Variants in TENM1 observed in about 807,000 individuals in gnomAD.
TENM1 encodes the protein teneurin-1.
A neutral mutation model predicts 174.8 loss-of-function variants in TENM1; 35 were observed. That is an observed-to-expected ratio of 0.20 (90% CI 0.15 to 0.27). TENM1 has a LOEUF of 0.27. Among genes scored for constraint, TENM1 ranks in the 10% least tolerant of loss-of-function variants. TENM1 has a pLI of 1.00. For missense variants in TENM1, 1,633 were observed against 2,130.1 expected (o/e 0.77, Z 4.59); for synonymous variants, 781 against 798.7 (o/e 0.98, Z 0.37).
the TENM1 span, among the ~76,000 whole-genome samples, chrX:124,976,323 A>T: frequency 9.0e-6 from 1 of 111,557 alleles, no homozygotes; most frequent in Admixed American, 9.6e-5. Context: ...TTTCACCAAG[A>T]TCACACAGCT....
At chrX:124,723,832 CT>C (rs1239769786) in intron 4 of TENM1, among the ~76,000 whole-genome samples, 2 of 110,481 alleles carry the variant, frequency 1.8e-5, no homozygotes, top group African/African-American at 6.6e-5. Context: ...ATCTCTTGAC[CT>C]TGTGATCCGC....
At chrX:124,704,580 A>G (rs1002307910) in intron 5 of TENM1, among the ~76,000 whole-genome samples, 3 of 111,972 alleles carry the variant, frequency 2.7e-5, no homozygotes, top group African/African-American at 9.7e-5. Context: ...TCTTGGGAAG[A>G]AATTATGTAC....
At chrX:124,957,578 CA>C (rs1225936775) in intron 1 of TENM1, among the ~76,000 whole-genome samples, 1,679 of 30,987 alleles carry the variant, frequency 0.054, 32 homozygotes, top group African/African-American at 0.16. Flanking sequence ...AACTCCAACT[CA>C]AAAAAAAAAA....
chrX:125,023,336 C>T, the TENM1 span, among the ~76,000 whole-genome samples: 1 of 111,371 alleles, frequency 9.0e-6, no homozygotes, highest in Non-Finnish European at 1.9e-5. Flanking sequence ...CCACCTTCCA[C>T]GATGATTATA....
At chrX:124,510,754 C>T (rs1480505013) in intron 18 of TENM1, among the ~76,000 whole-genome samples, 1 of 50,497 alleles carries the variant, frequency 2.0e-5, no homozygotes, top group Non-Finnish European at 3.9e-5. Flanking sequence ...TTAATTGTGA[C>T]CCAGCATCCA....
At chrX:124,481,222 A>G (rs2046834882) in intron 22 of TENM1, among the ~76,000 whole-genome samples, 1 of 112,252 alleles carries the variant, frequency 8.9e-6, no homozygotes, top group Non-Finnish European at 1.9e-5. Flanking sequence ...TTGAAGATTC[A>G]TAATTTTGTT....
At chrX:124,654,141 GC>G (rs1435461061) in intron 6 of TENM1, among the ~76,000 whole-genome samples, 3 of 111,980 alleles carry the variant, frequency 2.7e-5, no homozygotes, top group Non-Finnish European at 3.8e-5. Flanking sequence ...AATAGGACAA[GC>G]ACATATAACC....
At chrX:124,406,871 C>T (rs1211769009) in intron 25 of TENM1, among the ~76,000 whole-genome samples, 1 of 111,132 alleles carries the variant, frequency 9.0e-6, no homozygotes, top group Non-Finnish European at 1.9e-5. Flanking sequence ...GTGCTGTTGT[C>T]AAAGCAAAAG....
At chrX:124,730,001 C>T (rs1179746007) in intron 4 of TENM1, among the ~76,000 whole-genome samples, 1 of 111,114 alleles carries the variant, frequency 9.0e-6, no homozygotes, top group Non-Finnish European at 1.9e-5. Context: ...TCCTGAGTAG[C>T]TGGGATTACA....
intron 2 of TENM1, among the ~76,000 whole-genome samples, chrX:124,895,022 C>G (rs1026880450): frequency 3.6e-5 from 4 of 111,740 alleles, no homozygotes; most frequent in African/African-American, 3.3e-5. Context: ...TTATGGTCTA[C>G]TATTTAGGAC....
the TENM1 span, among the ~76,000 whole-genome samples, chrX:125,165,723 C>A: frequency 3.6e-5 from 4 of 111,506 alleles, no homozygotes; most frequent in African/African-American, 9.8e-5. Flanking sequence ...ATGGATATTT[C>A]TTTTGGAAAA....
chrX:125,048,982 G>A, the TENM1 span, among the ~76,000 whole-genome samples: 1 of 111,650 alleles, frequency 9.0e-6, no homozygotes, highest in African/African-American at 3.2e-5. Flanking sequence ...ACATATAATT[G>A]TTGTGAACAT....
At position 124,383,880 on chromosome X, in the gene TENM1, C is replaced by T. The variant is rs146451755; in HGVS notation, c.7051G>A (p.Asp2351Asn). 9.9e-6 allele frequency: 12 copies of T among 1,209,598 alleles called. No individual in the cohort carries two copies. Among genetic ancestry groups the T allele is most frequent in the Middle Eastern group, 4.6e-4 (2 of 4,375 alleles). ...TCAGGGTAAGTGTCATGATAGATATCGCCATAAGGTGTGTATAGTATCTCC... is the reference window on the plus strand; with the variant it reads ...TCAGGGTAAGTGTCATGATAGATATTGCCATAAGGTGTGTATAGTATCTCC... Residue 2351 changes from aspartate to asparagine, a missense_variant, in exon 30 of 32, where the codon GAT (aspartate) becomes AAT (asparagine). Around this residue, in one of 4 missense-constraint regions of TENM1, gnomAD observed 807 missense variants for 1,125.3 expected, o/e 0.72. Transcript: ENST00000422452.
At chrX:124,588,155 T>C in intron 11 of TENM1, among the ~76,000 whole-genome samples, 1 of 111,341 alleles carries the variant, frequency 9.0e-6, no homozygotes, top group South Asian at 3.8e-4. Context: ...GATCTAGAAC[T>C]AGAAATACCA....
intron 1 of TENM1, among the ~76,000 whole-genome samples, chrX:124,952,129 G>C (rs2147784747): frequency 9.0e-6 from 1 of 111,457 alleles, no homozygotes; most frequent in Admixed American, 9.6e-5. Flanking sequence ...GGGGCTTAGA[G>C]TATGTGGGAT....
At chrX:124,483,215 G>T (rs2046882822) in intron 21 of TENM1, among the ~76,000 whole-genome samples, 1 of 110,967 alleles carries the variant, frequency 9.0e-6, no homozygotes, top group Admixed American at 9.6e-5. Flanking sequence ...GCTTTATTTG[G>T]GCATCATCTC....
chrX:125,192,789 C>G, the TENM1 span, among the ~76,000 whole-genome samples: 1 of 111,189 alleles, frequency 9.0e-6, no homozygotes, highest in Non-Finnish European at 1.9e-5. Flanking sequence ...CATGTACATA[C>G]AAATTGTGGT....
Position 124,392,047 on chromosome X carries a change from C to T in TENM1, c.5688+5G>A. On this transcript the variant is annotated splice_donor_5th_base_variant and intron_variant, in intron 28 of 31. Coordinates refer to ENST00000422452, the Ensembl canonical transcript of TENM1. Reference sequence around the variant, plus strand: ...GAAACTTGTCTTTTTCCCCTATGTACTTACTTTTTCTAAGTAGGTATAGCT... The same window carrying T: ...GAAACTTGTCTTTTTCCCCTATGTATTTACTTTTTCTAAGTAGGTATAGCT... The T allele has an allele frequency of 8.4e-7, 1 of 1,190,398 alleles. No homozygotes were observed. Among genetic ancestry groups the T allele is most frequent in the Non-Finnish European group, 1.1e-6 (1 of 883,204 alleles).
At chrX:124,436,634 C>T (rs1450415781) in intron 23 of TENM1, among the ~76,000 whole-genome samples, 2 of 110,150 alleles carry the variant, frequency 1.8e-5, no homozygotes, top group East Asian at 2.9e-4. Context: ...GCTGGGACTA[C>T]AGGCACCCGC....
Sources: gnomAD v4.1 joint callset for allele counts (sites outside exome capture counted in the v4.1 genomes callset) on GRCh38, gnomAD v4.1.1 for gene constraint, gnomAD v4.1.1 regional missense constraint, MANE v1.5 for transcripts, NCBI Gene and HGNC (gene_info 2026-07-23, HGNC 2026-07-21) for gene names.